Variants in RPL23A observed in about 807,000 individuals in gnomAD.
RPL23A encodes the protein large ribosomal subunit protein uL23.
Under a neutral mutation model 17.6 loss-of-function variants are expected in RPL23A, and 2 were observed. The ratio of observed to expected loss-of-function variants is 0.11; its 90% confidence interval spans 0.05 to 0.36. RPL23A has a LOEUF of 0.36. RPL23A is among the 10% of genes least tolerant of loss of function. The probability of loss-of-function intolerance (pLI) is 1.00; values close to 1 mark genes in which losing one functional copy is unlikely to be tolerated. For synonymous variants in RPL23A, 65 were observed against 74.3 expected (o/e 0.87, Z 0.65); for missense variants, 132 against 194.4 (o/e 0.68, Z 1.91).
chr17:28,720,787 A>C lies in RPL23A; in HGVS notation c.106A>C (p.Lys36Gln). 1 of 1,613,378 alleles carries C rather than the reference A, an allele frequency of 6.2e-7. No individual in the cohort carries two copies. Among genetic ancestry groups the C allele is most frequent in the Non-Finnish European group, 8.5e-7 (1 of 1,179,258 alleles). Residue 36 changes from lysine (K) to glutamine (Q), a missense_variant, in exon 2 of 5, where the codon AAA (lysine) becomes CAA (glutamine). Lys to Gln is a moderately conservative substitution (Grantham distance 53). Transcript: ENST00000422514. ...AGTGTTGAAAGGTGTCCACAGCCAC[A>C]AAAAGAAGAAGATCCGCACGTCACC... ...KAVLKGVHSH[K>Q]KKKIRTSPTF...
rs183435171 is a variant in RPL23A at position 28,722,475 on chromosome 17, C to T, written c.210-248C>T. 119 of 621,474 alleles carry T rather than the reference C, an allele frequency of 1.9e-4. No individual in the cohort carries two copies. The African/African-American group carries it at 1.9e-3, about 10-fold the overall frequency. 38.5% of individuals were successfully genotyped at this position (621,474 alleles called of 1,614,324 possible). A position where few individuals can be genotyped will look rare whatever the true frequency, so the allele number is the denominator to read the frequency against. ...TACAGCCATGAGCCAGCACACCTGG[C>T]CCAGAGATGATTCTTTAATCACTTG... is the stretch of plus-strand genomic sequence containing the variant. On this transcript the variant is annotated intron_variant, in intron 2 of 4. Coordinates refer to ENST00000422514, the MANE Select transcript of RPL23A (RefSeq NM_000984.6).
intron 1 of RPL23A, 100 bp downstream of exon 1, chr17:28,720,130 T>C: frequency 6.5e-7 from 1 of 1,528,712 alleles, no homozygotes; most frequent in South Asian, 1.2e-5. Flanking sequence ...CCCTGAGGGC[T>C]CTGCTCCGGG....
At chr17:28,723,469 T>G in intron 3 of RPL23A, 102 bp from the exon 4 acceptor site, 1 of 853,138 alleles carries the variant, frequency 1.2e-6, no homozygotes. Context: ...AAGAATGACA[T>G]GAACAAAGGA....
At chr17:28,723,035 G>A in intron 3 of RPL23A, 136 bp downstream of exon 3, 1 of 679,982 alleles carries the variant, frequency 1.5e-6, no homozygotes, top group Non-Finnish European at 2.6e-6. Flanking sequence ...GAGCTATGCA[G>A]GAGGATCTCT....
At chr17:28,723,742 A>G (rs747832030) in intron 4 of RPL23A, 102 bp downstream of exon 4, 2 of 1,352,906 alleles carry the variant, frequency 1.5e-6, no homozygotes, top group Non-Finnish European at 2.1e-6. Context: ...GTCATAATTA[A>G]CTGACTGCAC....
rs2034168295 is a variant in RPL23A, at chr17:28,724,159, G to A, written c.*278G>A. ...CATGGTTGAGTAACAAGCTGTACAA[G>A]AACCCCTTTTATCCCTGGAAGAGGC... On this transcript the variant is annotated 3_prime_UTR_variant, in exon 5 of 5. Transcript: ENST00000422514. The A allele has an allele frequency of 5.9e-6, 3 of 507,800 alleles. No homozygotes were observed. Among genetic ancestry groups the A allele is most frequent in the Non-Finnish European group, 6.8e-6 (2 of 292,134 alleles). 31.5% of individuals were successfully genotyped at this position (507,800 alleles called of 1,614,324 possible). A position where few individuals can be genotyped will look rare whatever the true frequency, so the allele number is the denominator to read the frequency against.
chr17:28,724,163 C>G lies in RPL23A; in HGVS notation c.*282C>G. ...GTTGAGTAACAAGCTGTACAAGAAC[C>G]CCTTTTATCCCTGGAAGAGGCTGTG... On this transcript the variant is annotated 3_prime_UTR_variant, in exon 5 of 5. Transcript: ENST00000422514. 2 of 499,566 alleles carry G rather than the reference C, an allele frequency of 4.0e-6. No homozygotes were observed. The highest frequency in any genetic ancestry group is 3.5e-6 in the Non-Finnish European group (1 of 286,940). 30.9% of individuals were successfully genotyped at this position (499,566 alleles called of 1,614,324 possible).
At position 28,724,343 on chromosome 17, in the gene RPL23A, A is replaced by G; in HGVS notation, c.*462A>G. On this transcript the variant is annotated 3_prime_UTR_variant, in exon 5 of 5. Transcript: ENST00000422514. ...CTCACCCCTTGCCCAATAAAGGACA[A>G]GGACTTCAGAGGAGTACTTTCATTA... 1.1e-6 allele frequency: 1 copy of G among 903,012 alleles called. No homozygotes were observed. The highest frequency in any genetic ancestry group is 1.7e-6 in the Non-Finnish European group (1 of 589,904). 55.9% of individuals were successfully genotyped at this position (903,012 alleles called of 1,614,324 possible).
intron 3 of RPL23A, 146 bp from the exon 4 acceptor site, chr17:28,723,425 C>T: frequency 2.5e-6 from 2 of 784,508 alleles, no homozygotes; most frequent in African/African-American, 1.7e-5. Flanking sequence ...TCATGGTGTC[C>T]TCTGGGCTAA....
chr17:28,724,135 A>G lies in RPL23A; in HGVS notation c.*254A>G, dbSNP rs1194270517. On this transcript the variant is annotated 3_prime_UTR_variant, in exon 5 of 5. Transcript: ENST00000422514. ...AAACCAGAACTCAGAACTTGCCTCC[A>G]TGGTTGAGTAACAAGCTGTACAAGA... 6 of 508,156 alleles carry G rather than the reference A, an allele frequency of 1.2e-5. No homozygotes were observed. The highest frequency in any genetic ancestry group is 9.6e-5 in the African/African-American group (5 of 52,160). 31.5% of individuals were successfully genotyped at this position (508,156 alleles called of 1,614,324 possible).
Position 28,724,293 on chromosome 17 carries a change from A to T in RPL23A, c.*412A>T. The T allele has an allele frequency of 1.5e-6, 1 of 656,458 alleles. No homozygotes were observed. The highest frequency in any genetic ancestry group is 2.6e-6 in the Non-Finnish European group (1 of 380,052). 40.7% of individuals were successfully genotyped at this position (656,458 alleles called of 1,614,324 possible). A position where few individuals can be genotyped will look rare whatever the true frequency, so the allele number is the denominator to read the frequency against. On this transcript the variant is annotated 3_prime_UTR_variant, in exon 5 of 5. Coordinates refer to ENST00000422514, the MANE Select transcript of RPL23A (RefSeq NM_000984.6). ...TTTTGTCCTCACACACCCATCTACT[A>T]TGTCCAACCGGTCTGTCTGCTTCCC...
chr17:28,720,231 G>T (rs147254826), intron 1 of RPL23A: 144 of 1,539,132 alleles, frequency 9.4e-5, no homozygotes, highest in South Asian at 5.6e-4. Flanking sequence ...GAGTTGGGGG[G>T]GGGCAACGCG....
At chr17:28,723,722 T>C (rs1296028237) in intron 4 of RPL23A, 82 bp downstream of exon 4, 10 of 1,426,424 alleles carry the variant, frequency 7.0e-6, no homozygotes, top group Admixed American at 1.7e-5. Flanking sequence ...AGCCTGATCT[T>C]TGCTGATTAG....
In RPL23A at chr17:28,724,176, G is replaced by T. The variant is rs1597798630; in HGVS notation, c.*295G>T. Reference sequence around the variant, plus strand: ...CTGTACAAGAACCCCTTTTATCCCTGGAAGAGGCTGTGTATGAAACCAATG... The same window carrying T: ...CTGTACAAGAACCCCTTTTATCCCTTGAAGAGGCTGTGTATGAAACCAATG... On this transcript the variant is annotated 3_prime_UTR_variant, in exon 5 of 5. Transcript: ENST00000422514. The T allele has an allele frequency of 2.8e-5, 14 of 496,572 alleles. No homozygotes were observed. In the East Asian group the frequency reaches 4.7e-4, roughly 17 times the overall value. 30.8% of individuals were successfully genotyped at this position (496,572 alleles called of 1,614,324 possible). A position where few individuals can be genotyped will look rare whatever the true frequency, so the allele number is the denominator to read the frequency against.
At chr17:28,720,163 C>T in intron 1 of RPL23A, 133 bp downstream of exon 1, 3 of 1,528,872 alleles carry the variant, frequency 2.0e-6, no homozygotes, top group African/African-American at 1.4e-5. Context: ...GTTTCGGACA[C>T]GCTGCAGTAT....
Position 28,720,228 on chromosome 17 carries a change from G to T in RPL23A, c.25+198G>T, listed in dbSNP as rs566010875. On this transcript the variant is annotated intron_variant, in intron 1 of 4. Transcript: ENST00000422514. ...GCTGAGTTCCGGTAGAGGGAGTTGG[G>T]GGGGGGCAACGCGGCAGGCATCATC... The T allele has an allele frequency of 4.6e-4, 702 of 1,539,130 alleles. 2 individuals are homozygous for T. In the African/African-American group the frequency reaches 6.1e-3, roughly 13 times the overall value.
Position 28,720,706 on chromosome 17 carries a change from G to T in RPL23A, c.26-1G>T. The T allele has an allele frequency of 2.5e-6, 4 of 1,614,064 alleles. No homozygotes were observed. The highest frequency in any genetic ancestry group is 3.4e-6 in the Non-Finnish European group (4 of 1,180,004). On this transcript the variant is annotated splice_acceptor_variant, in intron 1 of 4. Coordinates refer to ENST00000422514, the MANE Select transcript of RPL23A (RefSeq NM_000984.6). LOFTEE classifies it high-confidence loss of function. ...CCACGTTTTCTTTCCTTTTCTCCCA[G>T]CTCCTGCCCCTCCTAAAGCTGAAGC...
intron 1 of RPL23A, chr17:28,720,488 A>G (rs943737945): frequency 6.3e-7 from 1 of 1,584,738 alleles, no homozygotes. Flanking sequence ...ATTCAGTGCT[A>G]CTTTGTTTCA....
chr17:28,720,430 G>C (rs1398972842), intron 1 of RPL23A: 1 of 1,610,178 alleles, frequency 6.2e-7, no homozygotes, highest in East Asian at 2.2e-5. Flanking sequence ...TTTGCGATGG[G>C]GTATGTGTAA....
Sources: allele counts gnomAD v4.1 joint callset, GRCh38; gene constraint gnomAD v4.1.1; transcripts MANE v1.5; gene names NCBI Gene and HGNC (gene_info 2026-07-23, HGNC 2026-07-21).